NR1D2: variants seen among roughly 807,000 people sequenced by gnomAD.
NR1D2 encodes the protein nuclear receptor subfamily 1 group D member 2.
In NR1D2, 25 loss-of-function variants were observed where a neutral mutation model predicts 52.2. That is an observed-to-expected ratio of 0.48 (90% CI 0.35 to 0.67). The LOEUF is 0.67. NR1D2 is among the 30% of genes least tolerant of loss of function. The probability of loss-of-function intolerance (pLI) is 0.01; values close to 1 mark genes in which losing one functional copy is unlikely to be tolerated. For missense variants in NR1D2, 681 were observed against 707.2 expected, an observed-to-expected ratio of 0.96 and a Z score of 0.42; for synonymous variants, 259 against 230.1, an observed-to-expected ratio of 1.13 and a Z score of -1.14.
rs776052170 is a variant in NR1D2, at chr3:23,967,888, A to G, written c.1408A>G (p.Ser470Gly). ...CACCTTTTTAAGTGGAAAGAAATAT[A>G]GTGTGGATGATTTACACTCAATGGG... ...TVTFLSGKKY[S>G]VDDLHSMGAG... Residue 470 changes from serine (S) to glycine (G), a missense_variant, in exon 7 of 8, where the codon AGT (serine) becomes GGT (glycine). Ser to Gly is a moderately conservative substitution (Grantham distance 56). Around this residue, in one of 3 missense-constraint regions of NR1D2, gnomAD observed 475 missense variants for 454.5 expected, o/e 1.05. Transcript: ENST00000312521. 5.6e-6 allele frequency: 9 copies of G among 1,614,076 alleles called. No homozygotes were observed. Among genetic ancestry groups the G allele is most frequent in the Non-Finnish European group, 7.6e-6 (9 of 1,179,922 alleles).
rs149092329 is a variant in NR1D2 at position 23,949,533 on chromosome 3, C to T, written c.16+3939C>T. 3.0e-4 allele frequency among the ~76,000 whole-genome samples: 45 copies of T among 152,232 alleles called. No individual in the cohort carries two copies. The East Asian group carries it at 8.5e-3, about 29-fold the overall frequency. ...TCTTTAGTATGATCCTCAGCAGTCA[C>T]AATCATGTGTGTGAAACATTGCTCC... On this transcript the variant is annotated intron_variant, in intron 1 of 7. Transcript: ENST00000312521.
intron 1 of NR1D2, among the ~76,000 whole-genome samples, chr3:23,951,103 C>G (rs542525876): frequency 6.6e-6 from 1 of 152,106 alleles, no homozygotes; most frequent in East Asian, 1.9e-4. Context: ...TGGGGTTTCT[C>G]CATGTTGGTC....
chr3:23,952,206 A>C (rs1705951077), intron 1 of NR1D2, among the ~76,000 whole-genome samples: 1 of 152,200 alleles, frequency 6.6e-6, no homozygotes, highest in South Asian at 2.1e-4. Context: ...TGCAGGAAAA[A>C]TATTAATTGC....
intron 1 of NR1D2, among the ~76,000 whole-genome samples, chr3:23,951,832 A>G (rs908820198): frequency 3.9e-5 from 6 of 152,234 alleles, no homozygotes; most frequent in African/African-American, 1.4e-4. Flanking sequence ...AAAAAGCACC[A>G]GCTAGTTTTG....
In NR1D2 at chr3:23,965,097, A is replaced by G; in HGVS notation, c.1267A>G (p.Ile423Val). The change falls in exon 6 of 8, where the codon ATT (isoleucine) becomes GTT (valine). Residue 423 changes from isoleucine to valine, a missense_variant. By Grantham distance (29) the Ile-to-Val change is conservative. Around this residue, in one of 3 missense-constraint regions of NR1D2, gnomAD observed 475 missense variants for 454.5 expected, o/e 1.05. Coordinates refer to ENST00000312521, the MANE Select transcript of NR1D2 (RefSeq NM_005126.5). ...AGAAGTGGTGGAATTTGCAAAGCGT[A>G]TTCCTGGGTTCAGAGATCTCTCTCA... is the stretch of plus-strand genomic sequence containing the variant. ...VKEVVEFAKR[I>V]PGFRDLSQHD... is the part of the protein sequence containing the mutation. 1 of 1,614,146 alleles carries G rather than the reference A, an allele frequency of 6.2e-7. No homozygotes were observed. The highest frequency in any genetic ancestry group is 8.5e-7 in the Non-Finnish European group (1 of 1,180,022).
chr3:23,947,328 T>A (rs1436595781), intron 1 of NR1D2, among the ~76,000 whole-genome samples: 1 of 150,080 alleles, frequency 6.7e-6, no homozygotes, highest in Non-Finnish European at 1.5e-5. Flanking sequence ...CAAGGCACAT[T>A]ATAAAAATTC....
At chr3:23,946,374 G>C in intron 1 of NR1D2, 1 of 877,338 alleles carries the variant, frequency 1.1e-6, no homozygotes, top group South Asian at 5.2e-5. Context: ...GCAGGCCGGA[G>C]GAGGCGCCTC....
intron 7 of NR1D2, among the ~76,000 whole-genome samples, chr3:23,972,790 C>CAT (rs1302410502): frequency 6.6e-6 from 1 of 152,168 alleles, no homozygotes; most frequent in Admixed American, 6.5e-5. Context: ...GTACTCTTAA[C>CAT]ATTATAGTCT....
chr3:23,960,767 A>G (rs1208854736), intron 4 of NR1D2, among the ~76,000 whole-genome samples: 2 of 152,250 alleles, frequency 1.3e-5, no homozygotes, highest in African/African-American at 4.8e-5. Context: ...AAAGAATAAA[A>G]CTGACAATCA....
rs927319392 is a variant in NR1D2 at position 23,978,310 on chromosome 3, TAAAAC to T, written c.*894_*898del. 1.3e-4 allele frequency: 20 copies of T among 152,290 alleles called. No individual in the cohort carries two copies. Among genetic ancestry groups the T allele is most frequent in the East Asian group, 3.9e-4 (2 of 5,188 alleles). 9.4% of individuals were successfully genotyped at this position (152,290 alleles called of 1,614,324 possible). A position where few individuals can be genotyped will look rare whatever the true frequency, so the allele number is the denominator to read the frequency against. ...GAAGAACTTTATCATACAGGAAACTTAAAACAAGAGGTGTCAAAAGACCCAAATTA... is the reference window on the plus strand; with the variant it reads ...GAAGAACTTTATCATACAGGAAACTTAAGAGGTGTCAAAAGACCCAAATTA... On this transcript the variant is annotated 3_prime_UTR_variant, in exon 8 of 8. Coordinates refer to ENST00000312521, the MANE Select transcript of NR1D2 (RefSeq NM_005126.5).
At chr3:23,959,534 C>A (rs576804797) in intron 3 of NR1D2, 137 bp from the exon 4 acceptor site, 347 of 728,866 alleles carry the variant, frequency 4.8e-4, no homozygotes, top group Non-Finnish European at 6.7e-4. Flanking sequence ...TGTCCTAAGA[C>A]ATAGTGTTTC....
At chr3:23,970,698 C>T (rs531679810) in intron 7 of NR1D2, among the ~76,000 whole-genome samples, 10 of 152,190 alleles carry the variant, frequency 6.6e-5, no homozygotes, top group Admixed American at 1.3e-4. Context: ...TATACAAGTA[C>T]ACATATATGA....
At chr3:23,946,352 C>T (rs1018255429) in intron 1 of NR1D2, 6 of 949,204 alleles carry the variant, frequency 6.3e-6, no homozygotes, top group Non-Finnish European at 7.5e-6. Context: ...AAGTGCAGGA[C>T]GAGGGCGTGC....
intron 7 of NR1D2, among the ~76,000 whole-genome samples, chr3:23,974,225 C>G (rs1033507172): frequency 2.0e-5 from 3 of 147,762 alleles, no homozygotes; most frequent in African/African-American, 7.5e-5. Context: ...AGTAGAAGGA[C>G]TATACTGTAA....
intron 5 of NR1D2, among the ~76,000 whole-genome samples, chr3:23,962,828 T>G (rs1559334780): frequency 1.3e-5 from 2 of 152,142 alleles, no homozygotes; most frequent in Non-Finnish European, 2.9e-5. Context: ...ATTTGATTGA[T>G]CTGAGATTGG....
At chr3:23,968,074 TG>T in intron 7 of NR1D2, 51 bp downstream of exon 7, 2 of 1,430,996 alleles carry the variant, frequency 1.4e-6, no homozygotes, top group Non-Finnish European at 9.9e-7. Context: ...AGTGACCAAC[TG>T]GGGAGAAGAT....
chr3:23,969,311 A>AC (rs1018032333), intron 7 of NR1D2, among the ~76,000 whole-genome samples: 24 of 151,386 alleles, frequency 1.6e-4, no homozygotes, highest in Non-Finnish European at 3.1e-4. Context: ...AAAAACAACA[A>AC]AAAAAAAACA....
chr3:23,954,678 G>T lies in NR1D2; in HGVS notation c.158G>T (p.Gly53Val). Residue 53 changes from glycine (G) to valine (V), a missense_variant, in exon 2 of 8, where the codon GGT becomes GTT. Around this residue, in one of 3 missense-constraint regions of NR1D2, gnomAD observed 94 missense variants for 90.4 expected, o/e 1.04. Coordinates refer to ENST00000312521, the MANE Select transcript of NR1D2 (RefSeq NM_005126.5). The stretch of plus-strand genomic sequence containing the variant: ...AATAGCTCTAATTCTGATACCAATG[G>T]TAATCCCAAGAATGGTGATCTCGCC... ...SPNSSNSDTNGNPKNGDLANI... is the reference protein window; with the variant it reads ...SPNSSNSDTNVNPKNGDLANI... The T allele has an allele frequency of 6.2e-7, 1 of 1,614,010 alleles. No homozygotes were observed. Among genetic ancestry groups the T allele is most frequent in the Non-Finnish European group, 8.5e-7 (1 of 1,179,986 alleles).
chr3:23,970,705 A>G (rs1706564353), intron 7 of NR1D2, among the ~76,000 whole-genome samples: 1 of 152,210 alleles, frequency 6.6e-6, no homozygotes, highest in Non-Finnish European at 1.5e-5. Flanking sequence ...GTACACATAT[A>G]TGAAGTTTCA....
Sources: allele counts gnomAD v4.1 joint callset (sites outside exome capture counted in the v4.1 genomes callset), GRCh38; gene constraint gnomAD v4.1.1; regional missense constraint gnomAD v4.1.1; transcripts MANE v1.5; gene names NCBI Gene and HGNC (gene_info 2026-07-23, HGNC 2026-07-21).